SGCZ: variants seen among roughly 807,000 people sequenced by gnomAD.
SGCZ encodes the protein sarcoglycan zeta.
Under a neutral mutation model 41.3 loss-of-function variants are expected in SGCZ, and 40 were observed. That is an observed-to-expected ratio of 0.97 (90% CI 0.75 to 1.26). SGCZ has a LOEUF of 1.26. SGCZ is among the 50% of genes most tolerant of loss of function. The probability of loss-of-function intolerance (pLI) is 0.00; values close to 1 mark genes in which losing one functional copy is unlikely to be tolerated. For missense variants in SGCZ, 552 were observed against 369.8 expected (o/e 1.49, Z -4.04); for synonymous variants, 206 against 137.5 (o/e 1.50, Z -3.49).
At chr8:14,365,554 A>G (rs1057334831) in intron 2 of SGCZ, among the ~76,000 whole-genome samples, 5 of 152,134 alleles carry the variant, frequency 3.3e-5, no homozygotes, top group Non-Finnish European at 5.9e-5. Context: ...TTTGGCAACT[A>G]CTTGTAAAAC....
Position 14,633,740 on chromosome 8 carries a change from G to C in SGCZ, c.40-78814C>G, listed in dbSNP as rs142290971. On this transcript the variant is annotated intron_variant, in intron 1 of 7. Transcript: ENST00000382080. ...ATTCAACAAGTTTAGCCTCCAGGCA[G>C]GTAGAGCTTACAGAAATACACAAAA... Among the ~76,000 whole-genome samples the C allele has an allele frequency of 8.8e-3, 1,334 of 151,828 alleles. 19 individuals are homozygous for C. Among genetic ancestry groups the C allele is most frequent in the African/African-American group, 0.03 (1,264 of 41,476 alleles).
intron 4 of SGCZ, among the ~76,000 whole-genome samples, chr8:14,197,758 A>G (rs78335187): frequency 0.044 from 6,637 of 152,172 alleles, 173 homozygotes; most frequent in Middle Eastern, 0.075. Context: ...TTTAAAAAGC[A>G]AAAATGTCAT....
At chr8:14,855,485 C>A (rs889431537) in intron 1 of SGCZ, among the ~76,000 whole-genome samples, 5 of 152,132 alleles carry the variant, frequency 3.3e-5, no homozygotes, top group Non-Finnish European at 5.9e-5. Context: ...TCCATACTTG[C>A]AGGATAGATT....
At chr8:14,271,558 T>C (rs1168807072) in intron 3 of SGCZ, among the ~76,000 whole-genome samples, 1 of 152,234 alleles carries the variant, frequency 6.6e-6, no homozygotes, top group Non-Finnish European at 1.5e-5. Flanking sequence ...GACTTAGGTA[T>C]TGGAACAAAC....
At chr8:15,176,499 C>T (rs1416587959) in intron 1 of SGCZ, among the ~76,000 whole-genome samples, 1 of 151,952 alleles carries the variant, frequency 6.6e-6, no homozygotes, top group Non-Finnish European at 1.5e-5. Flanking sequence ...AGCGGTTTTC[C>T]AAAAATTAAC....
intron 4 of SGCZ, among the ~76,000 whole-genome samples, chr8:14,169,676 T>C (rs1348965488): frequency 6.6e-6 from 1 of 152,196 alleles, no homozygotes; most frequent in East Asian, 1.9e-4. Flanking sequence ...AATTGTCCAG[T>C]TCTGTTATGA....
intron 4 of SGCZ, among the ~76,000 whole-genome samples, chr8:14,213,864 A>T (rs1403045669): frequency 5.3e-5 from 8 of 152,148 alleles, no homozygotes; most frequent in Admixed American, 5.2e-4. Flanking sequence ...CAGTTGTGAA[A>T]AACGTAATAT....
intron 1 of SGCZ, among the ~76,000 whole-genome samples, chr8:15,026,711 T>C (rs1354607059): frequency 2.0e-5 from 3 of 152,320 alleles, no homozygotes; most frequent in Admixed American, 6.5e-5. Context: ...GCTTCAGTTA[T>C]TGTCTCCATG....
chr8:15,182,848 C>A (rs756833735), intron 1 of SGCZ, among the ~76,000 whole-genome samples: 1 of 152,190 alleles, frequency 6.6e-6, no homozygotes, highest in African/African-American at 2.4e-5. Context: ...GTTGTAATAA[C>A]AGCTTAAAAC....
chr8:14,333,021 T>C lies in SGCZ; in HGVS notation c.235-8817A>G, dbSNP rs949535519. 3.3e-5 allele frequency among the ~76,000 whole-genome samples: 5 copies of C among 151,762 alleles called. No individual in the cohort carries two copies. The East Asian group carries it at 5.8e-4, about 18-fold the overall frequency. On this transcript the variant is annotated intron_variant, in intron 2 of 7. Coordinates refer to ENST00000382080, the MANE Select transcript of SGCZ (RefSeq NM_139167.4). ...ATCCAGTAGGAACACTTGGAACACA[T>C]ACATATTTTAAATTCAATATTTTTG...
At chr8:15,138,483 G>A (rs1808199370) in intron 1 of SGCZ, among the ~76,000 whole-genome samples, 2 of 152,062 alleles carry the variant, frequency 1.3e-5, no homozygotes, top group South Asian at 2.1e-4. Flanking sequence ...ATCTTGAATT[G>A]TAGCTCCCAT....
At chr8:15,177,623 A>C (rs1336813716) in intron 1 of SGCZ, among the ~76,000 whole-genome samples, 2 of 152,244 alleles carry the variant, frequency 1.3e-5, no homozygotes, top group Non-Finnish European at 2.9e-5. Flanking sequence ...CTGATGGAAC[A>C]GTAAGGTCAA....
At chr8:14,891,766 T>G (rs1182738531) in intron 1 of SGCZ, among the ~76,000 whole-genome samples, 2 of 152,216 alleles carry the variant, frequency 1.3e-5, no homozygotes, top group African/African-American at 4.8e-5. Flanking sequence ...CAGACTTTAT[T>G]GTCTTATTTT....
rs79691481 is a variant in SGCZ at position 14,984,520 on chromosome 8, T to C, written c.39+253065A>G. On this transcript the variant is annotated intron_variant, in intron 1 of 7. Coordinates refer to ENST00000382080, the MANE Select transcript of SGCZ (RefSeq NM_139167.4). ...TATCTGATATTGTTTTATAACAAAATAGGCTTTTTTCCTTCTATAAAGCGT... is the reference window on the plus strand; with the variant it reads ...TATCTGATATTGTTTTATAACAAAACAGGCTTTTTTCCTTCTATAAAGCGT... Among the ~76,000 whole-genome samples, 1,362 of 152,240 alleles carry C rather than the reference T, an allele frequency of 8.9e-3. 27 individuals carry two copies. Among genetic ancestry groups the C allele is most frequent in the African/African-American group, 0.032 (1,311 of 41,542 alleles).
At chr8:14,280,654 A>T (rs908815115) in intron 3 of SGCZ, among the ~76,000 whole-genome samples, 5 of 151,934 alleles carry the variant, frequency 3.3e-5, no homozygotes, top group Non-Finnish European at 7.4e-5. Flanking sequence ...ATGGCAGTAC[A>T]ATCATTACTA....
chr8:14,522,274 G>C (rs1563383802), intron 2 of SGCZ, among the ~76,000 whole-genome samples: 1 of 151,950 alleles, frequency 6.6e-6, no homozygotes, highest in African/African-American at 2.4e-5. Flanking sequence ...GTTAATAATA[G>C]TGTGTTCCCT....
intron 3 of SGCZ, among the ~76,000 whole-genome samples, chr8:14,286,728 C>G (rs1800646551): frequency 1.3e-5 from 2 of 152,042 alleles, no homozygotes; most frequent in Non-Finnish European, 1.5e-5. Flanking sequence ...AAATTATTCA[C>G]TGTATTCTTA....
chr8:14,549,316 C>T (rs2665614), intron 2 of SGCZ, among the ~76,000 whole-genome samples: 135,693 of 152,000 alleles, frequency 0.89, 60,764 homozygotes, highest in Middle Eastern at 0.94. Flanking sequence ...GCTGTTTTTC[C>T]TCCTATCAGG....
At chr8:14,933,514 C>G (rs769006900) in intron 1 of SGCZ, among the ~76,000 whole-genome samples, 69 of 147,960 alleles carry the variant, frequency 4.7e-4, no homozygotes, top group Non-Finnish European at 8.7e-4. Context: ...TCACTGCAAG[C>G]TCCGCCTCCC....
Sources: allele counts gnomAD v4.1 joint callset (sites outside exome capture counted in the v4.1 genomes callset), GRCh38; gene constraint gnomAD v4.1.1; transcripts MANE v1.5; gene names NCBI Gene and HGNC (gene_info 2026-07-23, HGNC 2026-07-21).